The following LUZP2 variants were observed in gnomAD, a reference collection of about 807,000 sequenced individuals.
LUZP2 encodes leucine zipper protein 2.
A neutral mutation model predicts 51.6 loss-of-function variants in LUZP2; 52 were observed. The ratio of observed to expected loss-of-function variants is 1.01; its 90% CI spans 0.81 to 1.27. The LOEUF is 1.27. Ranked by LOEUF, LUZP2 falls within the 50% of genes most tolerant of loss-of-function variation. The pLI is 0.00. For synonymous variants in LUZP2, 154 were observed against 137.3 expected, an observed-to-expected ratio of 1.12 and a Z score of -0.85; for missense variants, 436 against 395.4, an observed-to-expected ratio of 1.10 and a Z score of -0.87.
rs142313566 is a variant in LUZP2 at position 24,995,716 on chromosome 11, G to T, written c.765+12423G>T. On this transcript the variant is annotated intron_variant, in intron 9 of 11. Transcript: ENST00000336930. ...TTCCTTTTTGCCTTGTATTTAATAT[G>T]TATTTTATCTCTGAATGCTTTAAAT... Among the ~76,000 whole-genome samples, 4 of 151,908 alleles carry T rather than the reference G, an allele frequency of 2.6e-5. No homozygotes were observed. The East Asian group carries it at 7.7e-4, about 29-fold the overall frequency.
At position 24,693,287 on chromosome 11, in the gene LUZP2, A is replaced by G. The variant is rs1857136897; in HGVS notation, c.63-35882A>G. Among the ~76,000 whole-genome samples, 3 of 151,404 alleles carry G rather than the reference A, an allele frequency of 2.0e-5. No individual in the cohort carries two copies. The South Asian group carries it at 6.2e-4, about 31-fold the overall frequency. ...GTATGACTATGCCACTAGAATGGCA[A>G]TATTTTCTGTGAAATTTAACATAAT... is the stretch of plus-strand genomic sequence containing the variant. On this transcript the variant is annotated intron_variant, in intron 1 of 11. Coordinates refer to ENST00000336930, the MANE Select transcript of LUZP2 (RefSeq NM_001009909.4).
rs529664265 is a variant in LUZP2 at position 24,708,846 on chromosome 11, G to T, written c.63-20323G>T. Among the ~76,000 whole-genome samples the T allele has an allele frequency of 2.7e-3, 404 of 152,254 alleles. 7 individuals carry two copies. Among genetic ancestry groups the T allele is most frequent in the African/African-American group, 9.0e-3 (374 of 41,530 alleles). On this transcript the variant is annotated intron_variant, in intron 1 of 11. Transcript: ENST00000336930. The stretch of plus-strand genomic sequence containing the variant: ...TGTAATTACCTAAAAGCCTGACAGA[G>T]AATTAAAATTAAAAACCCTGTATAA...
intron 5 of LUZP2, among the ~76,000 whole-genome samples, chr11:24,882,302 T>A (rs1030793095): frequency 4.0e-5 from 6 of 151,730 alleles, no homozygotes; most frequent in African/African-American, 1.5e-4. Flanking sequence ...TTTAAAAGAA[T>A]TTTGGAGAAG....
At chr11:25,042,720 T>C (rs1293514091) in intron 9 of LUZP2, among the ~76,000 whole-genome samples, 2 of 152,150 alleles carry the variant, frequency 1.3e-5, no homozygotes. Context: ...CTGGTAGTTG[T>C]CTGGGGATAC....
At chr11:24,503,862 G>T (rs1232096531) in intron 1 of LUZP2, among the ~76,000 whole-genome samples, 1 of 152,086 alleles carries the variant, frequency 6.6e-6, no homozygotes, top group African/African-American at 2.4e-5. Flanking sequence ...AGTTATTATG[G>T]AGTATAAAAT....
intron 4 of LUZP2, among the ~76,000 whole-genome samples, chr11:24,742,325 GA>G (rs943160864): frequency 1.3e-4 from 20 of 151,618 alleles, no homozygotes; most frequent in African/African-American, 4.6e-4. Context: ...CCAGCAGTGC[GA>G]AAGTGTTCCC....
At chr11:24,893,798 A>G (rs992662970) in intron 5 of LUZP2, among the ~76,000 whole-genome samples, 19 of 144,446 alleles carry the variant, frequency 1.3e-4, no homozygotes, top group Admixed American at 2.1e-4. Flanking sequence ...ACACACACAC[A>G]CGCACATGGT....
At chr11:24,775,418 T>C (rs1456391134) in intron 5 of LUZP2, among the ~76,000 whole-genome samples, 3 of 152,138 alleles carry the variant, frequency 2.0e-5, no homozygotes, top group Non-Finnish European at 4.4e-5. Flanking sequence ...TAAAGAGACA[T>C]TGGGACAGCC....
intron 10 of LUZP2, among the ~76,000 whole-genome samples, chr11:25,063,977 C>T (rs1858925159): frequency 6.6e-6 from 1 of 151,718 alleles, no homozygotes; most frequent in Admixed American, 6.6e-5. Flanking sequence ...GCACTTCTCA[C>T]TGCCTAGGGA....
At chr11:24,828,189 G>C (rs1232950245) in intron 5 of LUZP2, among the ~76,000 whole-genome samples, 1 of 152,076 alleles carries the variant, frequency 6.6e-6, no homozygotes, top group Non-Finnish European at 1.5e-5. Context: ...CTTACCAAAA[G>C]GCCAGAATCT....
At chr11:25,075,670 A>G (rs1859279607) in intron 10 of LUZP2, among the ~76,000 whole-genome samples, 1 of 152,128 alleles carries the variant, frequency 6.6e-6, no homozygotes, top group Non-Finnish European at 1.5e-5. Context: ...AGAAAAGATA[A>G]ATTATGGCAG....
chr11:24,580,055 G>C (rs1251439996), intron 1 of LUZP2, among the ~76,000 whole-genome samples: 1 of 151,966 alleles, frequency 6.6e-6, no homozygotes, highest in Non-Finnish European at 1.5e-5. Flanking sequence ...AAATATCCAG[G>C]TTTTTTTATG....
Position 24,542,469 on chromosome 11 carries a change from A to G in LUZP2, c.62+45164A>G, listed in dbSNP as rs533421099. ...GGATTCTTATTTTTTTATGTAACAT[A>G]TACTCAACTTAGTTATTACTGAATG... On this transcript the variant is annotated intron_variant, in intron 1 of 11. Transcript: ENST00000336930. Among the ~76,000 whole-genome samples the G allele has an allele frequency of 3.4e-4, 52 of 152,130 alleles. No homozygotes were observed. The South Asian group carries it at 5.8e-3, about 17-fold the overall frequency.
chr11:25,051,065 C>T (rs1330431950), intron 10 of LUZP2, among the ~76,000 whole-genome samples: 1 of 152,064 alleles, frequency 6.6e-6, no homozygotes, highest in Non-Finnish European at 1.5e-5. Flanking sequence ...TCTGATGAAA[C>T]TATGCTTGAA....
intron 1 of LUZP2, among the ~76,000 whole-genome samples, chr11:24,516,954 A>T (rs1302863930): frequency 6.6e-6 from 1 of 152,132 alleles, no homozygotes; most frequent in Admixed American, 6.5e-5. Flanking sequence ...CTGTGATACA[A>T]TCTATGTGCC....
intron 1 of LUZP2, among the ~76,000 whole-genome samples, chr11:24,528,375 T>G (rs2133818243): frequency 6.6e-6 from 1 of 151,356 alleles, no homozygotes; most frequent in Middle Eastern, 3.4e-3. Context: ...AATTACCAAA[T>G]TAGTCACCAA....
intron 1 of LUZP2, among the ~76,000 whole-genome samples, chr11:24,677,248 A>G (rs1856589432): frequency 1.3e-5 from 2 of 152,166 alleles, no homozygotes; most frequent in Non-Finnish European, 2.9e-5. Flanking sequence ...TAATCCATCA[A>G]AATCTTTGAA....
intron 9 of LUZP2, among the ~76,000 whole-genome samples, chr11:25,026,578 A>T (rs149803286): frequency 9.2e-4 from 140 of 152,160 alleles, no homozygotes; most frequent in African/African-American, 3.1e-3. Context: ...CAGTATTAGC[A>T]TTGACTAATT....
intron 1 of LUZP2, among the ~76,000 whole-genome samples, chr11:24,554,070 A>AAAT (rs1851797099): frequency 6.6e-6 from 1 of 152,202 alleles, no homozygotes; most frequent in Non-Finnish European, 1.5e-5. Flanking sequence ...TTTTCTTTAT[A>AAAT]AATGTGAAGC....
Sources: allele counts gnomAD v4.1 joint callset (sites outside exome capture counted in the v4.1 genomes callset), GRCh38; gene constraint gnomAD v4.1.1; transcripts MANE v1.5; gene names NCBI Gene and HGNC (gene_info 2026-07-23, HGNC 2026-07-21).